The following USP8 variants were observed in gnomAD, a reference collection of about 807,000 sequenced individuals.
USP8 encodes the protein ubiquitin specific peptidase 8, also known as ubiquitin carboxyl-terminal hydrolase 8.
A neutral mutation model predicts 130.0 loss-of-function variants in USP8; 27 were observed. The ratio of observed to expected loss-of-function variants is 0.21; its 90% CI spans 0.15 to 0.29. USP8 has a LOEUF of 0.29. Ranked by LOEUF, USP8 falls within the 10% of genes least tolerant of loss-of-function variation. USP8 has a pLI of 1.00. For synonymous variants in USP8, 392 were observed against 444.1 expected, an observed-to-expected ratio of 0.88 and a Z score of 1.48; for missense variants, 1,029 against 1,312.2, an observed-to-expected ratio of 0.78 and a Z score of 3.33.
At chr15:50,427,222 C>T (rs901023240) in intron 1 of USP8, among the ~76,000 whole-genome samples, 1 of 152,166 alleles carries the variant, frequency 6.6e-6, no homozygotes, top group Non-Finnish European at 1.5e-5. Flanking sequence ...AGGCGTGAGC[C>T]ACCGCGCCTG....
At chr15:50,480,806 G>T (rs1046716800) in intron 10 of USP8, among the ~76,000 whole-genome samples, 18 of 151,926 alleles carry the variant, frequency 1.2e-4, no homozygotes, top group African/African-American at 4.1e-4. Context: ...CTATAATGTG[G>T]AGAAACAGAT....
At chr15:50,492,965 C>T in intron 15 of USP8, 52 bp downstream of exon 15, 2 of 1,500,412 alleles carry the variant, frequency 1.3e-6, no homozygotes, top group Non-Finnish European at 1.9e-6. Flanking sequence ...ATGATCTAAC[C>T]ATATTTACTG....
chr15:50,492,601 C>T, intron 14 of USP8, 100 bp from the exon 15 acceptor site: 1 of 1,155,046 alleles, frequency 8.7e-7, no homozygotes, highest in South Asian at 1.5e-5. Flanking sequence ...TACAAGATGC[C>T]TGTGGTACAG....
chr15:50,477,761 A>G (rs933451946), intron 10 of USP8, among the ~76,000 whole-genome samples: 6 of 151,926 alleles, frequency 3.9e-5, no homozygotes, highest in South Asian at 2.1e-4. Flanking sequence ...GAATTGTCTG[A>G]ACCCAGGAAG....
Position 50,500,385 on chromosome 15 carries a change from G to A in USP8, c.*1297G>A, listed in dbSNP as rs1187912558. 1.9e-5 allele frequency: 3 copies of A among 160,600 alleles called. No individual in the cohort carries two copies. In the East Asian group the frequency reaches 5.2e-4, roughly 28 times the overall value. The allele number at this position is 160,600 out of a possible 1,614,324, so 9.9% of individuals were successfully genotyped here. On this transcript the variant is annotated 3_prime_UTR_variant, in exon 20 of 20. Transcript: ENST00000307179. ...TATTTTCTGATAAACACTGAATTTT[G>A]AAACCTGAACTCACTATATAATTGC... is the stretch of plus-strand genomic sequence containing the variant.
intron 3 of USP8, among the ~76,000 whole-genome samples, chr15:50,443,200 A>C (rs1228433424): frequency 1.3e-5 from 2 of 151,696 alleles, no homozygotes; most frequent in African/African-American, 2.4e-5. Flanking sequence ...CACCATGCCT[A>C]GCTAATTTTT....
chr15:50,451,288 G>A (rs1015111569), intron 4 of USP8, among the ~76,000 whole-genome samples: 5 of 152,146 alleles, frequency 3.3e-5, no homozygotes, highest in Admixed American at 2.0e-4. Flanking sequence ...GCAGGCAGCT[G>A]TAGTCCCAGC....
intron 7 of USP8, among the ~76,000 whole-genome samples, chr15:50,468,128 G>A (rs1312900355): frequency 1.3e-5 from 2 of 150,708 alleles, no homozygotes; most frequent in Non-Finnish European, 2.9e-5. Context: ...TAGACACTGG[G>A]TTTCACCATG....
At chr15:50,485,550 A>ATTTTTTTTTTTGTTTT (rs2051928350) in intron 12 of USP8, among the ~76,000 whole-genome samples, 1 of 27,926 alleles carries the variant, frequency 3.6e-5, no homozygotes, top group East Asian at 1.5e-3. Flanking sequence ...CAGTTTAGTG[A>ATTTTTTTTTTTGTTTT]TTTTTTTTTT....
intron 10 of USP8, among the ~76,000 whole-genome samples, chr15:50,479,785 G>GTC (rs1261595197): frequency 1.3e-5 from 2 of 151,322 alleles, no homozygotes; most frequent in African/African-American, 4.9e-5. Context: ...TTTGAAAACG[G>GTC]TCTCACTCTC....
chr15:50,494,035 TTTA>T (rs2052280196), intron 15 of USP8, 32 bp from the exon 16 acceptor site: 1 of 1,589,678 alleles, frequency 6.3e-7, no homozygotes, highest in Non-Finnish European at 8.5e-7. Context: ...TTAAATTTCC[TTTA>T]TTGTCTTTTG....
intron 18 of USP8, 116 bp from the exon 19 acceptor site, chr15:50,498,480 A>C (rs746242786): frequency 1.2e-4 from 158 of 1,355,238 alleles, no homozygotes; most frequent in Non-Finnish European, 1.5e-4. Flanking sequence ...TAAAATTCCA[A>C]GTCTTTGTAT....
At chr15:50,449,374 A>G (rs2050542391) in intron 3 of USP8, 26 bp from the exon 4 acceptor site, 1 of 1,478,534 alleles carries the variant, frequency 6.8e-7, no homozygotes, top group Non-Finnish European at 9.2e-7. Context: ...AACTAACAAT[A>G]TGGGATGGTT....
chr15:50,440,752 G>A (rs892454372), intron 2 of USP8, among the ~76,000 whole-genome samples: 2 of 151,778 alleles, frequency 1.3e-5, no homozygotes, highest in African/African-American at 2.4e-5. Context: ...CCTGTAATCC[G>A]AGCACTTTGG....
At chr15:50,466,575 A>G (rs1362244705) in intron 7 of USP8, among the ~76,000 whole-genome samples, 1 of 151,414 alleles carries the variant, frequency 6.6e-6, no homozygotes, top group East Asian at 1.9e-4. Flanking sequence ...AGCCTGGGCT[A>G]CAGAGGGAGA....
chr15:50,492,985 A>G lies in USP8; in HGVS notation c.2447+72A>G, dbSNP rs564138695. The G allele has an allele frequency of 2.0e-5, 28 of 1,411,602 alleles. No individual in the cohort carries two copies. The African/African-American group carries it at 3.5e-4, about 18-fold the overall frequency. 87.4% of individuals were successfully genotyped at this position (1,411,602 alleles called of 1,614,324 possible). A position where few individuals can be genotyped will look rare whatever the true frequency, so the allele number is the denominator to read the frequency against. On this transcript the variant is annotated intron_variant, in intron 15 of 19. Transcript: ENST00000307179. ...CTAACCATATTTACTGTCTTAGTCC[A>G]TTAGTTTTCTGCTGCTATAACAAAA...
rs781276238 is a variant in USP8 at position 50,481,491 on chromosome 15, C to T, written c.1229C>T (p.Thr410Ile). The T allele has an allele frequency of 6.3e-7, 1 of 1,584,924 alleles. No individual in the cohort carries two copies. Among genetic ancestry groups the T allele is most frequent in the East Asian group, 2.2e-5 (1 of 44,502 alleles). Residue 410 changes from threonine to isoleucine, a missense_variant, in exon 11 of 20, where the codon ACT (threonine) becomes ATT (isoleucine). Coordinates refer to ENST00000307179, the MANE Select transcript of USP8 (RefSeq NM_005154.5). ...SIKNVPQIDR[T>I]KKPAVKLPEE... is the part of the protein sequence containing the mutation. ...GTTTTGTTGCTCTAGATTGATCGTA[C>T]TAAAAAACCAGCAGTCAAATTGCCT...
chr15:50,492,612 G>A (rs915889025), intron 14 of USP8, 89 bp from the exon 15 acceptor site: 2 of 1,299,118 alleles, frequency 1.5e-6, no homozygotes, highest in Admixed American at 2.1e-5. Context: ...TGTGGTACAG[G>A]TGCTACAGTT....
chr15:50,465,495 C>G (rs1400695330), intron 7 of USP8, among the ~76,000 whole-genome samples: 2 of 152,052 alleles, frequency 1.3e-5, no homozygotes, highest in Non-Finnish European at 2.9e-5. Context: ...ACACTCCACC[C>G]TTTTTGAAGG....
Sources: gnomAD v4.1 joint callset for allele counts (sites outside exome capture counted in the v4.1 genomes callset) on GRCh38, gnomAD v4.1.1 for gene constraint, MANE v1.5 for transcripts, NCBI Gene and HGNC (gene_info 2026-07-23, HGNC 2026-07-21) for gene names.